MED13L: variants seen among roughly 807,000 people sequenced by gnomAD.
The protein encoded by MED13L is mediator complex subunit 13L.
Under a neutral mutation model 220.9 loss-of-function variants are expected in MED13L, and 7 were observed. The observed-to-expected ratio is 0.03, with a 90% confidence interval of 0.02 to 0.06. The LOEUF (loss-of-function observed/expected upper bound fraction) is 0.06, where lower values mean the gene tolerates loss of function less well. MED13L is among the 10% of genes least tolerant of loss of function. The pLI, the probability that MED13L is intolerant of heterozygous loss-of-function variation, is 1.00. For missense variants in MED13L, 1,965 were observed against 2,760.5 expected, an observed-to-expected ratio of 0.71 and a Z score of 6.46; for synonymous variants, 1,011 against 1,015.2, an observed-to-expected ratio of 1.00 and a Z score of 0.08.
chr12:115,963,589 G>C (rs1875923306), intron 29 of MED13L, 70 bp from the exon 30 acceptor site: 1 of 1,173,372 alleles, frequency 8.5e-7, no homozygotes, highest in Admixed American at 1.9e-5. Context: ...GGGAGGCCAT[G>C]TCTGCCAGAA....
chr12:115,975,175 A>G lies in MED13L; in HGVS notation c.5727T>C (p.Leu1909=). The G allele has an allele frequency of 6.2e-7, 1 of 1,614,094 alleles. No individual in the cohort carries two copies. ...ACTTCTTCAAAAATTTCTCACCTTT[A>G]AGCTCCCCATGGCCAAGACGCCCAA... The part of the protein sequence containing the change: ...GRLGRLGHGE[L]KDWSILLGEC... The change falls in exon 25 of 31, where the codon CTT becomes CTC. Residue 1909 remains leucine, a synonymous_variant. Transcript: ENST00000281928.
intron 25 of MED13L, among the ~76,000 whole-genome samples, chr12:115,974,586 A>C (rs1489690077): frequency 6.6e-6 from 1 of 152,204 alleles, no homozygotes; most frequent in Admixed American, 6.5e-5. Context: ...ATTTATGACA[A>C]AGAATATAAG....
chr12:116,159,981 C>T (rs1385261414), intron 2 of MED13L, among the ~76,000 whole-genome samples: 1 of 151,974 alleles, frequency 6.6e-6, no homozygotes, highest in African/African-American at 2.4e-5. Flanking sequence ...TTTAAGGACT[C>T]ACTACATGCT....
At chr12:116,226,594 A>G (rs1869020035) in intron 2 of MED13L, among the ~76,000 whole-genome samples, 1 of 152,218 alleles carries the variant, frequency 6.6e-6, no homozygotes, top group African/African-American at 2.4e-5. Context: ...TTCGGCCAGG[A>G]GTGGCGGCTC....
chr12:116,002,889 C>T, intron 14 of MED13L, 114 bp downstream of exon 14: 1 of 888,590 alleles, frequency 1.1e-6, no homozygotes, highest in Non-Finnish European at 1.8e-6. Flanking sequence ...AGTTAGAATT[C>T]TGTCAAAAGG....
intron 1 of MED13L, among the ~76,000 whole-genome samples, chr12:116,246,230 T>C (rs376975362): frequency 4.0e-5 from 6 of 149,708 alleles, no homozygotes; most frequent in African/African-American, 1.5e-4. Context: ...AAGCACCCTT[T>C]CTCAGGAAGC....
intron 4 of MED13L, among the ~76,000 whole-genome samples, chr12:116,090,179 C>T (rs997710960): frequency 6.6e-6 from 1 of 152,184 alleles, no homozygotes; most frequent in Non-Finnish European, 1.5e-5. Flanking sequence ...TCTGAAGCTT[C>T]AACTGACTTT....
At chr12:116,019,600 A>T (rs1879933615) in intron 6 of MED13L, among the ~76,000 whole-genome samples, 178 bp downstream of exon 6, 1 of 152,234 alleles carries the variant, frequency 6.6e-6, no homozygotes, top group South Asian at 2.1e-4. Flanking sequence ...AGCATTTGGA[A>T]TACAAGGACC....
At chr12:116,086,409 A>T (rs1871694830) in intron 4 of MED13L, among the ~76,000 whole-genome samples, 1 of 151,120 alleles carries the variant, frequency 6.6e-6, no homozygotes, top group African/African-American at 2.4e-5. Context: ...TCAGCTCCTG[A>T]CTAGCTGGGA....
intron 2 of MED13L, among the ~76,000 whole-genome samples, chr12:116,229,174 A>G (rs1869300277): frequency 2.6e-5 from 4 of 152,362 alleles, no homozygotes; most frequent in Middle Eastern, 3.4e-3. Flanking sequence ...ACATGGCTAC[A>G]CTTAAAAATG....
At chr12:116,153,244 T>A (rs1404819527) in intron 2 of MED13L, among the ~76,000 whole-genome samples, 1 of 152,174 alleles carries the variant, frequency 6.6e-6, no homozygotes, top group African/African-American at 2.4e-5. Context: ...ACACAGAACT[T>A]ACTGAGGGGA....
intron 2 of MED13L, among the ~76,000 whole-genome samples, chr12:116,189,933 T>C (rs1026831447): frequency 1.3e-5 from 2 of 152,186 alleles, no homozygotes; most frequent in African/African-American, 4.8e-5. Flanking sequence ...AGATGTTTTT[T>C]TGGGGGGAGG....
intron 25 of MED13L, among the ~76,000 whole-genome samples, chr12:115,974,023 A>G (rs763032558): frequency 1.1e-4 from 17 of 151,874 alleles, no homozygotes; most frequent in Non-Finnish European, 2.2e-4. Flanking sequence ...TTCTACAAAT[A>G]CCTGATGTGA....
At chr12:116,023,013 T>G (rs1485319277) in intron 4 of MED13L, among the ~76,000 whole-genome samples, 2 of 152,172 alleles carry the variant, frequency 1.3e-5, no homozygotes, top group East Asian at 3.8e-4. Flanking sequence ...AGTGGCCCAC[T>G]GACCCAGCAT....
chr12:115,970,836 C>T, intron 26 of MED13L, 66 bp from the exon 27 acceptor site: 1 of 1,465,722 alleles, frequency 6.8e-7, no homozygotes. Flanking sequence ...TTTCAGAGGG[C>T]CTGATCTGGA....
At chr12:116,250,941 T>C (rs1255055053) in intron 1 of MED13L, among the ~76,000 whole-genome samples, 1 of 149,474 alleles carries the variant, frequency 6.7e-6, no homozygotes, top group East Asian at 2.0e-4. Flanking sequence ...AAGGAGAAAA[T>C]GGGAGGTTTT....
At chr12:116,134,930 G>A (rs1423941391) in intron 2 of MED13L, among the ~76,000 whole-genome samples, 12 of 152,176 alleles carry the variant, frequency 7.9e-5, no homozygotes, top group Non-Finnish European at 1.5e-5. Flanking sequence ...AGCACTTTGG[G>A]AGACTGAGGC....
At chr12:116,236,577 GA>G (rs1870101109) in intron 2 of MED13L, among the ~76,000 whole-genome samples, 1 of 151,082 alleles carries the variant, frequency 6.6e-6, no homozygotes, top group African/African-American at 2.4e-5. Flanking sequence ...TTCAGACACA[GA>G]TTAACACAAT....
Position 116,277,173 on chromosome 12 carries a change from G to C in MED13L, c.-42C>G, listed in dbSNP as rs1265298194. 2.7e-6 allele frequency: 4 copies of C among 1,486,832 alleles called. No individual in the cohort carries two copies. The highest frequency in any genetic ancestry group is 2.9e-5 in the African/African-American group (2 of 69,726). 92.1% of individuals were successfully genotyped at this position (1,486,832 alleles called of 1,614,324 possible). ...GGCCGCCAGAGCGGGGCATGTCGGA[G>C]CGAGGCGTCCGAGGCGAGGCCGGGC... On this transcript the variant is annotated 5_prime_UTR_variant, in exon 1 of 31. Transcript: ENST00000281928.
Sources: gnomAD v4.1 joint callset for allele counts (sites outside exome capture counted in the v4.1 genomes callset) on GRCh38, gnomAD v4.1.1 for gene constraint, MANE v1.5 for transcripts, NCBI Gene and HGNC (gene_info 2026-07-23, HGNC 2026-07-21) for gene names.